Variants in DCC observed in about 807,000 individuals in gnomAD.
DCC encodes netrin receptor DCC.
Under a neutral mutation model 172.5 loss-of-function variants are expected in DCC, and 58 were observed. The observed-to-expected ratio is 0.34, with a 90% CI of 0.27 to 0.42. DCC has a LOEUF of 0.42. DCC is among the 10% of genes least tolerant of loss of function. The pLI is 1.00. For missense variants in DCC, 1,740 were observed against 1,791.0 expected, an observed-to-expected ratio of 0.97 and a Z score of 0.51; for synonymous variants, 709 against 644.5, an observed-to-expected ratio of 1.10 and a Z score of -1.52.
intron 1 of DCC, among the ~76,000 whole-genome samples, chr18:52,430,825 T>G (rs546943673): frequency 2.0e-5 from 3 of 152,318 alleles, no homozygotes; most frequent in African/African-American, 7.2e-5. Flanking sequence ...CAAATAATTT[T>G]TTTAACTAAG....
intron 7 of DCC, among the ~76,000 whole-genome samples, chr18:53,108,630 A>G (rs935469934): frequency 6.6e-6 from 1 of 151,790 alleles, no homozygotes; most frequent in African/African-American, 2.4e-5. Context: ...CCAAGCACCC[A>G]TCCAGAAACA....
rs569875991 is a variant in DCC at position 52,573,950 on chromosome 18, T to G, written c.92-178104T>G. Among the ~76,000 whole-genome samples the G allele has an allele frequency of 1.8e-4, 28 of 152,312 alleles. No individual in the cohort carries two copies. In the East Asian group the frequency reaches 3.3e-3, roughly 18 times the overall value. ...TTTCTACATGCTCTGCCTATTTTCC[T>G]TCTGCTTCTGATTTCTAAGTAGCCT... On this transcript the variant is annotated intron_variant, in intron 1 of 28. Transcript: ENST00000442544.
At chr18:52,422,988 C>A (rs991429478) in intron 1 of DCC, among the ~76,000 whole-genome samples, 2 of 152,100 alleles carry the variant, frequency 1.3e-5, no homozygotes, top group African/African-American at 4.8e-5. Context: ...TTGGATTAGC[C>A]ACTTAGTGAC....
chr18:52,500,607 G>A (rs912797309), intron 1 of DCC, among the ~76,000 whole-genome samples: 1 of 152,028 alleles, frequency 6.6e-6, no homozygotes, highest in East Asian at 1.9e-4. Context: ...TCCCTACCTT[G>A]TCTTTCCGTG....
chr18:53,402,811 G>T lies in DCC; in HGVS notation c.2853G>T (p.Leu951Phe), dbSNP rs202075939. 2.5e-6 allele frequency: 4 copies of T among 1,613,830 alleles called. No individual in the cohort carries two copies. The highest frequency in any genetic ancestry group is 1.3e-5 in the African/African-American group (1 of 74,896). Reference protein sequence around the residue: ...EAAPTSAPKDLTVITREGKPR... With the variant: ...EAAPTSAPKDFTVITREGKPR... ...CCCCCACCTCTGCTCCCAAGGACTT[G>T]ACAGTCATTACTAGGGAAGGGAAGC... Residue 951 changes from leucine (L) to phenylalanine (F), a missense_variant, in exon 19 of 29, where the codon TTG becomes TTT. By Grantham distance (22) the Leu-to-Phe change is conservative. Around this residue, in one of 2 missense-constraint regions of DCC, gnomAD observed 1,732 missense variants for 1,767.4 expected, o/e 0.98. Coordinates refer to ENST00000442544, the MANE Select transcript of DCC (RefSeq NM_005215.4).
chr18:53,207,934 T>G, intron 11 of DCC, 117 bp downstream of exon 11: 1 of 924,028 alleles, frequency 1.1e-6, no homozygotes, highest in East Asian at 2.4e-5. Context: ...TAAAATTTTA[T>G]GGACTATTAC....
intron 5 of DCC, among the ~76,000 whole-genome samples, chr18:53,021,114 G>A (rs1287082267): frequency 6.6e-6 from 1 of 151,942 alleles, no homozygotes; most frequent in Non-Finnish European, 1.5e-5. Flanking sequence ...GAGGGAAAGG[G>A]CACTTGCTGA....
intron 2 of DCC, among the ~76,000 whole-genome samples, chr18:52,848,078 T>C (rs2038922348): frequency 7.1e-6 from 1 of 140,536 alleles, no homozygotes; most frequent in Non-Finnish European, 1.5e-5. Flanking sequence ...ATTTGACTTT[T>C]CTAATTTTTT....
intron 2 of DCC, among the ~76,000 whole-genome samples, chr18:52,834,436 G>C (rs1472274811): frequency 6.6e-6 from 1 of 152,110 alleles, no homozygotes; most frequent in Non-Finnish European, 1.5e-5. Flanking sequence ...TCAGCAATCT[G>C]CTGTCACAAG....
chr18:52,671,112 G>T lies in DCC; in HGVS notation c.92-80942G>T, dbSNP rs117307311. Reference sequence around the variant, plus strand: ...TAACTTAGTGACCCCTGCTGGGGAGGCTTAACATAATCATCCTTAAATTCA... The same window carrying T: ...TAACTTAGTGACCCCTGCTGGGGAGTCTTAACATAATCATCCTTAAATTCA... On this transcript the variant is annotated intron_variant, in intron 1 of 28. Transcript: ENST00000442544. Among the ~76,000 whole-genome samples, 1,242 of 152,262 alleles carry T rather than the reference G, an allele frequency of 8.2e-3. 7 individuals carry two copies. Among genetic ancestry groups the T allele is most frequent in the Middle Eastern group, 0.027 (8 of 294 alleles).
At chr18:53,137,124 C>T (rs1287219012) in intron 7 of DCC, among the ~76,000 whole-genome samples, 2 of 152,202 alleles carry the variant, frequency 1.3e-5, no homozygotes, top group African/African-American at 2.4e-5. Flanking sequence ...TAACAAATTA[C>T]TACAAACTTA....
At chr18:53,263,247 G>A (rs1270961966) in intron 12 of DCC, among the ~76,000 whole-genome samples, 1 of 152,146 alleles carries the variant, frequency 6.6e-6, no homozygotes, top group African/African-American at 2.4e-5. Context: ...CGCCTCTGGG[G>A]TTCAAGCGAT....
intron 7 of DCC, among the ~76,000 whole-genome samples, chr18:53,118,203 T>C (rs1395686074): frequency 6.6e-6 from 1 of 151,828 alleles, no homozygotes; most frequent in Non-Finnish European, 1.5e-5. Context: ...TGCAGTGACA[T>C]GATTATTATT....
chr18:53,391,565 A>G (rs1459897989), intron 16 of DCC, 90 bp from the exon 17 acceptor site: 1 of 837,068 alleles, frequency 1.2e-6, no homozygotes, highest in South Asian at 1.4e-5. Context: ...CATTTAACTC[A>G]TTGTGATGTG....
At chr18:53,229,650 T>A (rs1266720924) in intron 12 of DCC, among the ~76,000 whole-genome samples, 2 of 152,044 alleles carry the variant, frequency 1.3e-5, no homozygotes, top group African/African-American at 2.4e-5. Context: ...TTTTTTCACC[T>A]ACAGAGCCAG....
intron 15 of DCC, among the ~76,000 whole-genome samples, chr18:53,359,629 C>T (rs1193457468): frequency 1.3e-5 from 2 of 152,148 alleles, no homozygotes; most frequent in Non-Finnish European, 2.9e-5. Flanking sequence ...TTAAATGCCT[C>T]TTCCCCTCTT....
chr18:52,434,856 C>T lies in DCC; in HGVS notation c.91+93978C>T, dbSNP rs543564343. On this transcript the variant is annotated intron_variant, in intron 1 of 28. Coordinates refer to ENST00000442544, the MANE Select transcript of DCC (RefSeq NM_005215.4). ...GGAGGCCTCCCTGATTCTGCAGTTTCGATAACATTGTCTGTACCCCCAGAC... is the reference window on the plus strand; with the variant it reads ...GGAGGCCTCCCTGATTCTGCAGTTTTGATAACATTGTCTGTACCCCCAGAC... 1.8e-4 allele frequency among the ~76,000 whole-genome samples: 27 copies of T among 152,266 alleles called. No homozygotes were observed. The East Asian group carries it at 1.9e-3, about 11-fold the overall frequency.
intron 1 of DCC, among the ~76,000 whole-genome samples, chr18:52,677,650 C>T (rs1444795222): frequency 6.6e-6 from 1 of 152,110 alleles, no homozygotes; most frequent in Non-Finnish European, 1.5e-5. Context: ...TCTCCTAAGA[C>T]TTGAGGGCAG....
At chr18:53,123,485 G>T (rs1383607740) in intron 7 of DCC, among the ~76,000 whole-genome samples, 1 of 152,030 alleles carries the variant, frequency 6.6e-6, no homozygotes, top group African/African-American at 2.4e-5. Context: ...TCATTCTAAG[G>T]CCTCAAATCT....
Sources: gnomAD v4.1 joint callset for allele counts (sites outside exome capture counted in the v4.1 genomes callset) on GRCh38, gnomAD v4.1.1 for gene constraint, gnomAD v4.1.1 regional missense constraint, MANE v1.5 for transcripts, NCBI Gene and HGNC (gene_info 2026-07-23, HGNC 2026-07-21) for gene names.